The following CYLD variants were observed in gnomAD, a reference collection of about 807,000 sequenced individuals.
CYLD encodes CYLD lysine 63 deubiquitinase.
A neutral mutation model predicts 104.5 loss-of-function variants in CYLD; 26 were observed. That is an observed-to-expected ratio of 0.25 (90% confidence interval 0.18 to 0.35). CYLD has a LOEUF of 0.35. CYLD is among the 10% of genes least tolerant of loss of function. The probability of loss-of-function intolerance (pLI) is 1.00; values close to 1 mark genes in which losing one functional copy is unlikely to be tolerated. For synonymous variants in CYLD, 385 were observed against 399.9 expected, an observed-to-expected ratio of 0.96 and a Z score of 0.45; for missense variants, 703 against 1,136.1, an observed-to-expected ratio of 0.62 and a Z score of 5.48.
intron 5 of CYLD, among the ~76,000 whole-genome samples, chr16:50,769,768 A>G (rs1452787177): frequency 6.6e-6 from 1 of 152,206 alleles, no homozygotes; most frequent in East Asian, 1.9e-4. Flanking sequence ...AAGATCTCTT[A>G]TCTTGCCCTT....
At chr16:50,776,572 G>C (rs1395767882) in intron 7 of CYLD, among the ~76,000 whole-genome samples, 2 of 152,128 alleles carry the variant, frequency 1.3e-5, no homozygotes, top group African/African-American at 4.8e-5. Flanking sequence ...GTTTAGGATT[G>C]CAACTGTGTA....
intron 5 of CYLD, among the ~76,000 whole-genome samples, chr16:50,770,453 CTT>C (rs1187147281): frequency 7.7e-5 from 11 of 141,942 alleles, no homozygotes; most frequent in Admixed American, 7.0e-5. Context: ...TTCTTTCTTT[CTT>C]TTTTTTTTTT....
At chr16:50,755,071 G>GTATA (rs1966942131) in intron 5 of CYLD, among the ~76,000 whole-genome samples, 4 of 61,092 alleles carry the variant, frequency 6.5e-5, no homozygotes, top group Admixed American at 1.5e-4. Context: ...ATATAGATAT[G>GTATA]TATACATATA....
chr16:50,801,823 G>A lies in CYLD; in HGVS notation c.*5315G>A, dbSNP rs575893839. The A allele has an allele frequency of 1.3e-5, 3 of 233,106 alleles. No individual in the cohort carries two copies. The highest frequency in any genetic ancestry group is 6.0e-5 in the East Asian group (1 of 16,584). The allele number at this position is 233,106 out of a possible 1,614,324, so 14.4% of individuals were successfully genotyped here. ...ATAGAATACCCCTTCCTATCAGCTC[G>A]CTCTGATTTAGCCTTAATTTTGTTA... is the stretch of plus-strand genomic sequence containing the variant. On this transcript the variant is annotated 3_prime_UTR_variant, in exon 19 of 19. Transcript: ENST00000427738.
At position 50,794,352 on chromosome 16, in the gene CYLD, C is replaced by T. The variant is rs753395961; in HGVS notation, c.2610C>T (p.Ser870=). 3.1e-6 allele frequency: 5 copies of T among 1,614,194 alleles called. No homozygotes were observed. In the South Asian group the frequency reaches 5.5e-5, roughly 18 times the overall value. Residue 870 remains serine (S), a synonymous_variant, in exon 18 of 19, where the codon AGC becomes AGT. Transcript: ENST00000427738. This position sits in a 1 kb window ranked among gnomAD's most constrained non-coding sequence, Gnocchi z 4.1. ...ELFAVLCIET[S]HYVAFVKYGK... Reference sequence around the variant, plus strand: ...TTGCTGTTCTCTGCATAGAAACAAGCCACTATGTTGCTTTTGTGAAGTATG... The same window carrying T: ...TTGCTGTTCTCTGCATAGAAACAAGTCACTATGTTGCTTTTGTGAAGTATG...
intron 8 of CYLD, 101 bp downstream of exon 8, chr16:50,778,042 A>G (rs1338362957): frequency 4.1e-6 from 3 of 725,234 alleles, no homozygotes; most frequent in Non-Finnish European, 7.5e-6. Flanking sequence ...TGGAAACAGA[A>G]TAAGTAGACC....
At chr16:50,760,433 C>T (rs1432228851) in intron 5 of CYLD, among the ~76,000 whole-genome samples, 2 of 152,142 alleles carry the variant, frequency 1.3e-5, no homozygotes, top group Admixed American at 6.5e-5. Flanking sequence ...CTTACTCCAT[C>T]CTTCGTTTCT....
At position 50,777,921 on chromosome 16, in the gene CYLD, A is replaced by T; in HGVS notation, c.1118A>T (p.Asn373Ile). ...TCACAACCACAATCCAAATCAAAAA[A>T]TACATGGTACATTGATGAAGGTAAT... ...VDSQPQSKSKNTWYIDEVAED... is the reference protein window; with the variant it reads ...VDSQPQSKSKITWYIDEVAED... Residue 373 changes from asparagine to isoleucine, a missense_variant, in exon 8 of 19, where the codon AAT becomes ATT. Physicochemically the swap from Asn to Ile is moderately radical, Grantham distance 149. Around this residue, in one of 5 missense-constraint regions of CYLD, gnomAD observed 183 missense variants for 212.1 expected, o/e 0.86. Coordinates refer to ENST00000427738, the MANE Select transcript of CYLD (RefSeq NM_001378743.1). 6.4e-7 allele frequency: 1 copy of T among 1,567,558 alleles called. No homozygotes were observed. Among genetic ancestry groups the T allele is most frequent in the Non-Finnish European group, 8.8e-7 (1 of 1,138,076 alleles).
In CYLD at chr16:50,797,936, G is replaced by A. The variant is rs1972179915; in HGVS notation, c.*1428G>A. On this transcript the variant is annotated 3_prime_UTR_variant, in exon 19 of 19. Coordinates refer to ENST00000427738, the MANE Select transcript of CYLD (RefSeq NM_001378743.1). ...ATCTTGTAATATTTTCATTTTTGAA[G>A]TGAAAAAGTACATATATTTTGCACA... 4.3e-6 allele frequency: 1 copy of A among 231,832 alleles called. No individual in the cohort carries two copies. The highest frequency in any genetic ancestry group is 8.5e-6 in the Non-Finnish European group (1 of 117,246). The allele number at this position is 231,832 out of a possible 1,614,324, so 14.4% of individuals were successfully genotyped here. A position where few individuals can be genotyped will look rare whatever the true frequency, so the allele number is the denominator to read the frequency against.
chr16:50,750,168 C>T lies in CYLD; in HGVS notation c.470C>T (p.Thr157Ile), dbSNP rs2150897657. 6.2e-7 allele frequency: 1 copy of T among 1,613,950 alleles called. No homozygotes were observed. Among genetic ancestry groups the T allele is most frequent in the Non-Finnish European group, 8.5e-7 (1 of 1,179,962 alleles). ...RFRGPLLAER[T>I]VSGIFFGVEL... ...AGAGGACCCCTGTTAGCAGAGAGGA[C>T]AGTCTCCGGAATATTCTTTGGAGTT... Residue 157 changes from threonine (T) to isoleucine (I), a missense_variant, in exon 3 of 19, where the codon ACA becomes ATA. Thr to Ile is a moderately conservative substitution (Grantham distance 89, BLOSUM62 -1). Around this residue, in one of 5 missense-constraint regions of CYLD, gnomAD observed 123 missense variants for 213.3 expected, o/e 0.58. Transcript: ENST00000427738.
intron 11 of CYLD, among the ~76,000 whole-genome samples, chr16:50,782,916 ATT>A (rs386384680): frequency 0.075 from 6,510 of 86,592 alleles, 47 homozygotes; most frequent in South Asian, 0.18. Flanking sequence ...ACAACTTAAG[ATT>A]TTTTTTTTTT....
chr16:50,782,258 G>T, intron 10 of CYLD, 67 bp from the exon 11 acceptor site: 1 of 1,180,686 alleles, frequency 8.5e-7, no homozygotes. Flanking sequence ...AAATATTTAT[G>T]GGAATACATA....
At position 50,797,463 on chromosome 16, in the gene CYLD, C is replaced by G. The variant is rs2086440320; in HGVS notation, c.*955C>G. ...CTTAAGTTTGATCTGTCAGCCAGTA[C>G]TCCCATTAAATTCAGTGTAGTTTCA... On this transcript the variant is annotated 3_prime_UTR_variant, in exon 19 of 19. Coordinates refer to ENST00000427738, the MANE Select transcript of CYLD (RefSeq NM_001378743.1). 4.3e-6 allele frequency: 1 copy of G among 232,214 alleles called. No individual in the cohort carries two copies. The highest frequency in any genetic ancestry group is 8.5e-6 in the Non-Finnish European group (1 of 117,438). The allele number at this position is 232,214 out of a possible 1,614,324, so 14.4% of individuals were successfully genotyped here.
rs751942721 is a variant in CYLD, at chr16:50,781,446, G to C, written c.1684+35G>C. On this transcript the variant is annotated intron_variant, in intron 10 of 18. Transcript: ENST00000427738. Reference sequence around the variant, plus strand: ...TGCTTTTTGTTTACTTAACAACCTGGAATGACTCTAATTCTAATCTCATAT... The same window carrying C: ...TGCTTTTTGTTTACTTAACAACCTGCAATGACTCTAATTCTAATCTCATAT... 3.7e-6 allele frequency: 6 copies of C among 1,608,970 alleles called. No individual in the cohort carries two copies. The Admixed American group carries it at 5.0e-5, about 13-fold the overall frequency.
intron 5 of CYLD, among the ~76,000 whole-genome samples, chr16:50,760,535 C>T (rs1465056813): frequency 6.6e-6 from 1 of 152,176 alleles, no homozygotes; most frequent in East Asian, 1.9e-4. Flanking sequence ...CCTTTTAATT[C>T]AAGAAGTGTA....
In CYLD at chr16:50,779,910, A is replaced by C. The variant is rs1361649220; in HGVS notation, c.1384A>C (p.Met462Leu). The C allele has an allele frequency of 6.2e-7, 1 of 1,614,040 alleles. No individual in the cohort carries two copies. The highest frequency in any genetic ancestry group is 1.1e-5 in the South Asian group (1 of 91,072). Residue 462 changes from methionine (M) to leucine (L), a missense_variant, in exon 9 of 19, where the codon ATG becomes CTG. This residue lies in a region of CYLD where 183 missense variants were observed against 212.1 expected (regional missense o/e 0.86). Transcript: ENST00000427738. The part of the protein sequence containing the change: ...APVQESPPLA[M>L]PPGNSHGLEV... The stretch of plus-strand genomic sequence containing the variant: ...CGTCCAAGAGAGTCCACCCTTGGCC[A>C]TGCCTCCTGGGAACTCACATGGTCT...
At chr16:50,742,929 C>G in intron 2 of CYLD, 88 bp downstream of exon 2, 1 of 397,260 alleles carries the variant, frequency 2.5e-6, no homozygotes. Context: ...ATGAAATCTT[C>G]AGGAGATGGT....
rs543619563 is a variant in CYLD, at chr16:50,787,612, A to AT, written c.2042-174_2042-173insT. The AT allele has an allele frequency of 3.0e-4, 165 of 546,564 alleles. No homozygotes were observed. The African/African-American group carries it at 3.1e-3, about 10-fold the overall frequency. 33.9% of individuals were successfully genotyped at this position (546,564 alleles called of 1,614,324 possible). A position where few individuals can be genotyped will look rare whatever the true frequency, so the allele number is the denominator to read the frequency against. ...CATAATACTTGATTATAACTTATTAAATGTCTTTTATGTTTTTCCTTTGTC... is the reference window on the plus strand; with the variant it reads ...CATAATACTTGATTATAACTTATTAATATGTCTTTTATGTTTTTCCTTTGTC... On this transcript the variant is annotated intron_variant, in intron 13 of 18. Coordinates refer to ENST00000427738, the MANE Select transcript of CYLD (RefSeq NM_001378743.1).
chr16:50,789,464 G>C lies in CYLD; in HGVS notation c.2108+1612G>C, dbSNP rs528870756. Among the ~76,000 whole-genome samples the C allele has an allele frequency of 2.6e-5, 4 of 152,192 alleles. No homozygotes were observed. The East Asian group carries it at 7.7e-4, about 29-fold the overall frequency. On this transcript the variant is annotated intron_variant, in intron 14 of 18. Transcript: ENST00000427738. ...TGAATACTGAGTGATCCTCAGAGTG[G>C]GTAGGGAGGGATCAGGGCATCTCTG... is the stretch of plus-strand genomic sequence containing the variant.
Sources: gnomAD v4.1 joint callset for allele counts (sites outside exome capture counted in the v4.1 genomes callset) on GRCh38, gnomAD v4.1.1 for gene constraint, gnomAD v4.1.1 regional missense constraint, Gnocchi (gnomAD v3.1) non-coding constraint, MANE v1.5 for transcripts, NCBI Gene and HGNC (gene_info 2026-07-23, HGNC 2026-07-21) for gene names.